Variants in AHCTF1 observed in about 807,000 individuals in gnomAD.
The protein encoded by AHCTF1 is AT-hook containing transcription factor 1.
In AHCTF1, 24 loss-of-function variants were observed where a neutral mutation model predicts 248.4. The observed-to-expected ratio is 0.10, with a 90% CI of 0.07 to 0.14. The LOEUF (loss-of-function observed/expected upper bound fraction) is 0.14, where lower values mean the gene tolerates loss of function less well. AHCTF1 is among the 10% of genes least tolerant of loss of function. The probability of loss-of-function intolerance (pLI) is 1.00; values close to 1 mark genes in which losing one functional copy is unlikely to be tolerated. For synonymous variants in AHCTF1, 786 were observed against 929.8 expected, an observed-to-expected ratio of 0.85 and a Z score of 2.81; for missense variants, 2,206 against 2,636.2, an observed-to-expected ratio of 0.84 and a Z score of 3.57.
chr1:246,868,287 C>G (rs958414938), intron 24 of AHCTF1, among the ~76,000 whole-genome samples: 1 of 152,132 alleles, frequency 6.6e-6, no homozygotes, highest in Admixed American at 6.5e-5. Flanking sequence ...TGCCACCACG[C>G]TAATTTTTGT....
At chr1:246,895,740 A>AT (rs1572430027) in intron 13 of AHCTF1, 95 bp downstream of exon 13, 11 of 1,033,228 alleles carry the variant, frequency 1.1e-5, no homozygotes, top group Middle Eastern at 5.7e-4. Flanking sequence ...ATCTTCAATT[A>AT]TATCAAAATT....
chr1:246,869,425 A>G (rs1662396785), intron 24 of AHCTF1, among the ~76,000 whole-genome samples: 1 of 152,194 alleles, frequency 6.6e-6, no homozygotes, highest in African/African-American at 2.4e-5. Context: ...CCAAGTTGTA[A>G]ATGCAAAAAA....
At chr1:246,869,653 C>T (rs1446984287) in intron 24 of AHCTF1, among the ~76,000 whole-genome samples, 1 of 151,764 alleles carries the variant, frequency 6.6e-6, no homozygotes, top group Non-Finnish European at 1.5e-5. Flanking sequence ...TAGATGAAAA[C>T]ACATCTGTTG....
Position 246,840,709 on chromosome 1 carries a change from A to G in AHCTF1, c.*97T>C. ...TCTGTTTACATAAAAATTTACAATA[A>G]TTTATATAAATTATTTTCTTCCAAA... On this transcript the variant is annotated 3_prime_UTR_variant, in exon 36 of 36. Transcript: ENST00000648844. 1 of 932,604 alleles carries G rather than the reference A, an allele frequency of 1.1e-6. No homozygotes were observed. The highest frequency in any genetic ancestry group is 1.5e-6 in the Non-Finnish European group (1 of 671,960). The allele number at this position is 932,604 out of a possible 1,614,324, so 57.8% of individuals were successfully genotyped here. A position where few individuals can be genotyped will look rare whatever the true frequency, so the allele number is the denominator to read the frequency against.
intron 34 of AHCTF1, among the ~76,000 whole-genome samples, 186 bp from the exon 35 acceptor site, chr1:246,842,962 A>T (rs942723601): frequency 2.0e-5 from 3 of 152,170 alleles, no homozygotes; most frequent in Non-Finnish European, 4.4e-5. Context: ...TTTATTCCTC[A>T]TTCCTACAAT....
At chr1:246,846,860 T>A (rs1343754819) in intron 33 of AHCTF1, among the ~76,000 whole-genome samples, 1 of 151,926 alleles carries the variant, frequency 6.6e-6, no homozygotes, top group Non-Finnish European at 1.5e-5. Context: ...CAAGCCATCC[T>A]CACACCTCAG....
intron 24 of AHCTF1, among the ~76,000 whole-genome samples, 182 bp downstream of exon 24, chr1:246,875,855 A>C (rs1662920367): frequency 6.6e-6 from 1 of 152,244 alleles, no homozygotes; most frequent in Non-Finnish European, 1.5e-5. Flanking sequence ...AAAACTTCAG[A>C]GGACTAGCTT....
intron 21 of AHCTF1, 94 bp from the exon 22 acceptor site, chr1:246,877,396 T>TA (rs1296589157): frequency 2.4e-5 from 31 of 1,272,854 alleles, no homozygotes; most frequent in Non-Finnish European, 3.2e-5. Context: ...AGATACTTTG[T>TA]AAAGTATCTT....
At chr1:246,931,247 A>T (rs1482267903) in intron 1 of AHCTF1, 1 of 1,549,680 alleles carries the variant, frequency 6.5e-7, no homozygotes, top group East Asian at 2.4e-5. Context: ...AACAGTGGGA[A>T]AGGGTCGCGG....
intron 1 of AHCTF1, among the ~76,000 whole-genome samples, chr1:246,926,839 A>G (rs1343391878): frequency 6.9e-6 from 1 of 144,130 alleles, no homozygotes; most frequent in East Asian, 2.1e-4. Flanking sequence ...CTGGGCAACA[A>G]GAGCGAAACC....
intron 35 of AHCTF1, 124 bp from the exon 36 acceptor site, chr1:246,841,122 AT>A: frequency 2.5e-6 from 2 of 810,500 alleles, no homozygotes; most frequent in Non-Finnish European, 3.7e-6. Flanking sequence ...AAAAGATGTA[AT>A]GGTTTCAAGG....
chr1:246,889,766 A>AGTT (rs1664090356), intron 17 of AHCTF1, among the ~76,000 whole-genome samples, 200 bp downstream of exon 17: 1 of 152,162 alleles, frequency 6.6e-6, no homozygotes, highest in Non-Finnish European at 1.5e-5. Context: ...TTTGTCTATT[A>AGTT]CCTTTACTTC....
intron 33 of AHCTF1, among the ~76,000 whole-genome samples, chr1:246,847,544 C>T: frequency 1.3e-5 from 2 of 152,152 alleles, no homozygotes; most frequent in East Asian, 3.9e-4. Context: ...GTTGCCCAGG[C>T]TGGAGTGCAG....
Position 246,888,536 on chromosome 1 carries a change from TA to T in AHCTF1, c.2145-20del. On this transcript the variant is annotated intron_variant, in intron 17 of 35. Coordinates refer to ENST00000648844, the MANE Select transcript of AHCTF1 (RefSeq NM_001323342.2). ...CTTCCCTCTGCAATCAGGGAAAAAT[TA>T]AGACTTATTTAATATCACTGTTAAT... 7 of 1,612,374 alleles carry T rather than the reference TA, an allele frequency of 4.3e-6. No homozygotes were observed. Among genetic ancestry groups the T allele is most frequent in the Non-Finnish European group, 5.9e-6 (7 of 1,179,330 alleles).
chr1:246,908,704 G>A (rs1253434296), intron 4 of AHCTF1, among the ~76,000 whole-genome samples: 10 of 148,690 alleles, frequency 6.7e-5, no homozygotes, highest in African/African-American at 1.5e-4. Flanking sequence ...TGGCTAACAC[G>A]GTGAAACCCA....
intron 1 of AHCTF1, among the ~76,000 whole-genome samples, chr1:246,927,070 CG>C (rs1308235182): frequency 1.3e-5 from 2 of 148,654 alleles, no homozygotes; most frequent in Non-Finnish European, 3.0e-5. Flanking sequence ...CCCAGGTACC[CG>C]GGAGGCTGAG....
chr1:246,862,242 A>G, intron 27 of AHCTF1, 89 bp from the exon 28 acceptor site: 1 of 848,624 alleles, frequency 1.2e-6, no homozygotes, highest in Non-Finnish European at 1.7e-6. Context: ...GCACTTTGGG[A>G]GGCAGAGGCA....
intron 20 of AHCTF1, among the ~76,000 whole-genome samples, chr1:246,886,311 A>G (rs1663814731): frequency 6.6e-6 from 1 of 152,230 alleles, no homozygotes; most frequent in Non-Finnish European, 1.5e-5. Context: ...AGCCTGGGTG[A>G]CAGAGCGAGA....
intron 1 of AHCTF1, among the ~76,000 whole-genome samples, chr1:246,930,143 T>A (rs1667241545): frequency 6.6e-6 from 1 of 152,156 alleles, no homozygotes; most frequent in Non-Finnish European, 1.5e-5. Flanking sequence ...CGATCTTTTT[T>A]ATTTTATTTT....
Sources: gnomAD v4.1 joint callset for allele counts (sites outside exome capture counted in the v4.1 genomes callset) on GRCh38, gnomAD v4.1.1 for gene constraint, MANE v1.5 for transcripts, NCBI Gene and HGNC (gene_info 2026-07-23, HGNC 2026-07-21) for gene names.